Variants in PTPRT observed in about 807,000 individuals in gnomAD.
PTPRT encodes the protein protein tyrosine phosphatase receptor type T, also known as receptor-type tyrosine-protein phosphatase T.
Under a neutral mutation model 176.8 loss-of-function variants are expected in PTPRT, and 56 were observed. The observed-to-expected ratio is 0.32, with a 90% CI of 0.26 to 0.40. The LOEUF (loss-of-function observed/expected upper bound fraction) is 0.40, where lower values mean the gene tolerates loss of function less well. Among genes scored for constraint, PTPRT ranks in the 10% least tolerant of loss-of-function variants. The pLI is 1.00. For missense variants in PTPRT, 1,540 were observed against 1,908.2 expected, an observed-to-expected ratio of 0.81 and a Z score of 3.60; for synonymous variants, 783 against 739.0, an observed-to-expected ratio of 1.06 and a Z score of -0.96.
At chr20:43,045,036 G>C (rs1986777893) in intron 1 of PTPRT, among the ~76,000 whole-genome samples, 1 of 152,212 alleles carries the variant, frequency 6.6e-6, no homozygotes, top group Admixed American at 6.5e-5. Flanking sequence ...CAGGCAGGAA[G>C]GAACATCTCC....
chr20:42,800,347 G>A (rs6130224), intron 2 of PTPRT, among the ~76,000 whole-genome samples: 15,810 of 152,138 alleles, frequency 0.1, 1,080 homozygotes, highest in East Asian at 0.34. Flanking sequence ...CTGGCCTTGC[G>A]CTGGGGAGCT....
intron 25 of PTPRT, 69 bp from the exon 26 acceptor site, chr20:42,102,366 T>C (rs1369814337): frequency 6.6e-7 from 1 of 1,522,944 alleles, no homozygotes; most frequent in African/African-American, 1.4e-5. Flanking sequence ...GAGACAGTAA[T>C]GTTCCAACTC....
At chr20:42,823,114 A>G (rs1211951041) in intron 2 of PTPRT, among the ~76,000 whole-genome samples, 1 of 152,226 alleles carries the variant, frequency 6.6e-6, no homozygotes, top group African/African-American at 2.4e-5. Flanking sequence ...ACTATTTACA[A>G]TAGCAAAGAC....
intron 16 of PTPRT, among the ~76,000 whole-genome samples, chr20:42,173,471 A>T (rs78108487): frequency 0.016 from 2,398 of 152,312 alleles, 71 homozygotes; most frequent in African/African-American, 0.055. Context: ...ACTATTTTTT[A>T]AAAAACTTTC....
intron 7 of PTPRT, among the ~76,000 whole-genome samples, chr20:42,578,168 C>A (rs1000238206): frequency 8.5e-5 from 13 of 152,084 alleles, no homozygotes; most frequent in African/African-American, 2.7e-4. Flanking sequence ...TACCTCGAGT[C>A]AACCAGGAGA....
chr20:42,861,879 A>C (rs2145794800), intron 2 of PTPRT, among the ~76,000 whole-genome samples: 1 of 152,260 alleles, frequency 6.6e-6, no homozygotes, highest in South Asian at 2.1e-4. Context: ...AAAACCAAAA[A>C]AAAACAGACC....
intron 16 of PTPRT, among the ~76,000 whole-genome samples, chr20:42,174,978 A>G (rs747055697): frequency 8.5e-5 from 13 of 152,186 alleles, no homozygotes; most frequent in Non-Finnish European, 1.8e-4. Flanking sequence ...ATACAACAGA[A>G]GAAGAGATAG....
At chr20:42,841,517 C>T (rs1366623253) in intron 2 of PTPRT, among the ~76,000 whole-genome samples, 2 of 151,912 alleles carry the variant, frequency 1.3e-5, no homozygotes, top group Admixed American at 6.6e-5. Flanking sequence ...CACAGTGAGG[C>T]ATATCAAAAT....
chr20:42,718,359 A>G (rs190087309), intron 6 of PTPRT, among the ~76,000 whole-genome samples: 190 of 152,274 alleles, frequency 1.2e-3, no homozygotes, highest in African/African-American at 4.4e-3. Context: ...AACACGGTGA[A>G]ACCCCATCTC....
chr20:42,248,769 T>A lies in PTPRT; in HGVS notation c.2230A>T (p.Thr744Ser). The A allele has an allele frequency of 2.5e-6, 4 of 1,614,072 alleles. No homozygotes were observed. The highest frequency in any genetic ancestry group is 3.4e-6 in the Non-Finnish European group (4 of 1,179,978). Reference protein sequence around the residue: ...TVEPEKQVDNTVKMAGVIAGL... With the variant: ...TVEPEKQVDNSVKMAGVIAGL... The stretch of plus-strand genomic sequence containing the variant: ...GCGATCACGCCAGCCATCTTCACGG[T>A]GTTGTCCACCTGCTTCTCTGGCTCC... The change falls in exon 14 of 31, where the codon ACC (threonine) becomes TCC (serine). Residue 744 changes from threonine (T) to serine (S), a missense_variant. By Grantham distance (58) the Thr-to-Ser change is moderately conservative. Transcript: ENST00000373187.
chr20:43,169,356 T>C (rs1033691836), intron 1 of PTPRT, among the ~76,000 whole-genome samples: 2 of 152,228 alleles, frequency 1.3e-5, no homozygotes, highest in African/African-American at 4.8e-5. Context: ...TGACTGCCAC[T>C]ACATCTTCAG....
intron 15 of PTPRT, among the ~76,000 whole-genome samples, chr20:42,214,409 A>C (rs921943910): frequency 2.0e-5 from 3 of 152,100 alleles, no homozygotes; most frequent in South Asian, 2.1e-4. Flanking sequence ...GTTGGGTACC[A>C]ATTCTGGGGC....
intron 9 of PTPRT, among the ~76,000 whole-genome samples, chr20:42,400,380 CTA>C: frequency 6.6e-6 from 1 of 151,938 alleles, no homozygotes; most frequent in Admixed American, 6.6e-5. Context: ...ATGCTATGTC[CTA>C]GGGAGATGAG....
At chr20:42,725,414 G>A (rs896772137) in intron 6 of PTPRT, among the ~76,000 whole-genome samples, 1 of 152,010 alleles carries the variant, frequency 6.6e-6, no homozygotes, top group African/African-American at 2.4e-5. Context: ...ATCATCTCAG[G>A]TGGGATTGGA....
intron 2 of PTPRT, among the ~76,000 whole-genome samples, chr20:42,883,847 GA>G (rs2079058956): frequency 3.9e-4 from 4 of 10,236 alleles, no homozygotes; most frequent in East Asian, 2.6e-3. Context: ...CATACACATA[GA>G]CACACACCCC....
intron 18 of PTPRT, among the ~76,000 whole-genome samples, chr20:42,137,959 G>C (rs1988449673): frequency 6.6e-6 from 1 of 152,228 alleles, no homozygotes; most frequent in African/African-American, 2.4e-5. Context: ...TGTGCCCGCA[G>C]ACCCCCTCTC....
intron 1 of PTPRT, among the ~76,000 whole-genome samples, chr20:43,011,127 A>T (rs1449970997): frequency 6.6e-6 from 1 of 152,128 alleles, no homozygotes; most frequent in Non-Finnish European, 1.5e-5. Context: ...TTATTCATTC[A>T]CTTCTTCACT....
intron 13 of PTPRT, among the ~76,000 whole-genome samples, chr20:42,256,095 C>T (rs933530774): frequency 9.2e-5 from 14 of 152,176 alleles, no homozygotes; most frequent in East Asian, 3.9e-4. Context: ...GGTACTTCTA[C>T]GTCAGGGAAG....
At chr20:42,063,170 C>T in the PTPRT span, among the ~76,000 whole-genome samples, 1 of 152,066 alleles carries the variant, frequency 6.6e-6, no homozygotes, top group African/African-American at 2.4e-5. Flanking sequence ...AGAGTGTATA[C>T]CATGTGATTG....
Sources: gnomAD v4.1 joint callset for allele counts (sites outside exome capture counted in the v4.1 genomes callset) on GRCh38, gnomAD v4.1.1 for gene constraint, MANE v1.5 for transcripts, NCBI Gene and HGNC (gene_info 2026-07-23, HGNC 2026-07-21) for gene names.